CFAP54: variants seen among roughly 807,000 people sequenced by gnomAD.
CFAP54 encodes the protein cilia- and flagella-associated protein 54.
CFAP54 carries 290 observed loss-of-function variants against 370.4 expected under a neutral mutation model. That is an observed-to-expected ratio of 0.78 (90% CI 0.71 to 0.86). CFAP54 has a LOEUF of 0.86. Among genes scored for constraint, CFAP54 ranks in the 40% least tolerant of loss-of-function variants. CFAP54 has a pLI of 0.00. For synonymous variants in CFAP54, 1,206 were observed against 1,236.5 expected (o/e 0.98, Z 0.52); for missense variants, 3,399 against 3,528.7 (o/e 0.96, Z 0.93).
intron 63 of CFAP54, among the ~76,000 whole-genome samples, chr12:96,794,672 G>A (rs1324552598): frequency 2.0e-5 from 3 of 151,956 alleles, no homozygotes; most frequent in Non-Finnish European, 4.4e-5. Context: ...TCTTTAAATT[G>A]GTATTACCTT....
chr12:96,544,975 G>T (rs375611504), intron 14 of CFAP54, among the ~76,000 whole-genome samples: 1 of 151,392 alleles, frequency 6.6e-6, no homozygotes, highest in Non-Finnish European at 1.5e-5. Flanking sequence ...GCGGTGGCAC[G>T]ATCTTGGCTC....
At chr12:96,700,737 G>A (rs1278451003) in intron 46 of CFAP54, among the ~76,000 whole-genome samples, 1 of 152,092 alleles carries the variant, frequency 6.6e-6, no homozygotes, top group Non-Finnish European at 1.5e-5. Flanking sequence ...TCTTCATGGT[G>A]GTCTGGGAAT....
intron 8 of CFAP54, among the ~76,000 whole-genome samples, chr12:96,522,531 G>A (rs1378085967): frequency 6.6e-6 from 1 of 152,208 alleles, no homozygotes; most frequent in Non-Finnish European, 1.5e-5. Context: ...AGGGTTAGCT[G>A]AGCAGGCGAG....
chr12:96,849,977 G>A (rs960780729), intron 66 of CFAP54, among the ~76,000 whole-genome samples: 2 of 152,056 alleles, frequency 1.3e-5, no homozygotes, highest in Non-Finnish European at 2.9e-5. Context: ...GGGCAATTTG[G>A]ACTCAAAGAT....
At chr12:96,663,397 G>A (rs1957019065) in intron 38 of CFAP54, among the ~76,000 whole-genome samples, 1 of 152,026 alleles carries the variant, frequency 6.6e-6, no homozygotes. Flanking sequence ...ATATCTGTTA[G>A]AAAATAAATT....
At chr12:96,839,183 C>T (rs1041299709) in intron 66 of CFAP54, among the ~76,000 whole-genome samples, 2 of 152,088 alleles carry the variant, frequency 1.3e-5, no homozygotes, top group African/African-American at 2.4e-5. Context: ...TAATCTTAGG[C>T]AACTTGTTTA....
chr12:96,835,842 C>T (rs2136767232), intron 66 of CFAP54, among the ~76,000 whole-genome samples: 1 of 152,302 alleles, frequency 6.6e-6, no homozygotes, highest in South Asian at 2.1e-4. Flanking sequence ...GAGTGTGCAG[C>T]CCCAGCCATG....
intron 55 of CFAP54, among the ~76,000 whole-genome samples, chr12:96,752,108 G>GAGAGAGAGAGAGAA (rs1958192073): frequency 6.6e-6 from 1 of 151,400 alleles, no homozygotes; most frequent in African/African-American, 2.4e-5. Context: ...GAGAGAGAGA[G>GAGAGAGAGAGAGAA]AGAGAGAGAG....
chr12:96,596,519 C>T (rs1439670704), intron 25 of CFAP54, among the ~76,000 whole-genome samples: 1 of 152,074 alleles, frequency 6.6e-6, no homozygotes, highest in East Asian at 1.9e-4. Flanking sequence ...TCTAGATATT[C>T]ATCTGAGAGA....
intron 62 of CFAP54, among the ~76,000 whole-genome samples, chr12:96,789,427 G>T (rs746232194): frequency 2.6e-5 from 4 of 152,200 alleles, no homozygotes; most frequent in Non-Finnish European, 5.9e-5. Flanking sequence ...TGGGAACTGA[G>T]ACTATTTTTG....
At chr12:96,671,968 AAG>A (rs145541657) in intron 39 of CFAP54, among the ~76,000 whole-genome samples, 7 of 150,104 alleles carry the variant, frequency 4.7e-5, no homozygotes, top group South Asian at 2.1e-4. Flanking sequence ...GAAAGAAAGA[AAG>A]AGAGAGAGAG....
At chr12:96,691,015 G>A (rs1347828909) in intron 43 of CFAP54, 113 bp from the exon 44 acceptor site, 2 of 827,080 alleles carry the variant, frequency 2.4e-6, no homozygotes, top group Middle Eastern at 2.4e-4. Context: ...AAAGTACAGT[G>A]TGCTAGGCAT....
intron 64 of CFAP54, among the ~76,000 whole-genome samples, chr12:96,816,490 A>G (rs1344108482): frequency 1.3e-5 from 2 of 152,216 alleles, no homozygotes; most frequent in Non-Finnish European, 2.9e-5. Context: ...CATACTATAT[A>G]AATTCAAATC....
Position 96,621,875 on chromosome 12 carries a change from G to GTTTTTTTTTTTTTTTTTTTT in CFAP54, c.3771+167_3771+186dup, listed in dbSNP as rs71068819. ...ATTATAGTAAAGAGCTTTTGGGTTT[G>GTTTTTTTTTTTTTTTTTTTT]TTTTTTTTTTTTTTTTTTTTTTTTT... On this transcript the variant is annotated intron_variant, in intron 27 of 67. Coordinates refer to ENST00000524981, the MANE Select transcript of CFAP54 (RefSeq NM_001306084.2). Among the ~76,000 whole-genome samples, 8 of 50,034 alleles carry GTTTTTTTTTTTTTTTTTTTT rather than the reference G, an allele frequency of 1.6e-4. 1 individual carries two copies. Among genetic ancestry groups the GTTTTTTTTTTTTTTTTTTTT allele is most frequent in the East Asian group, 8.4e-4 (1 of 1,186 alleles). The allele number at this position is 50,034 out of a possible 152,430, so 32.8% of individuals were successfully genotyped here. A position where few individuals can be genotyped will look rare whatever the true frequency, so the allele number is the denominator to read the frequency against.
At chr12:96,837,949 C>T (rs1473401182) in intron 66 of CFAP54, among the ~76,000 whole-genome samples, 1 of 152,196 alleles carries the variant, frequency 6.6e-6, no homozygotes, top group African/African-American at 2.4e-5. Flanking sequence ...CATTCTCTCA[C>T]CATTTCTCTG....
intron 66 of CFAP54, among the ~76,000 whole-genome samples, chr12:96,850,274 T>C (rs1203176582): frequency 6.9e-6 from 1 of 145,324 alleles, no homozygotes; most frequent in African/African-American, 2.5e-5. Flanking sequence ...GACAATGGCC[T>C]CCCAGGAGGT....
chr12:96,578,832 G>A (rs1398672937), intron 20 of CFAP54, among the ~76,000 whole-genome samples: 1 of 152,154 alleles, frequency 6.6e-6, no homozygotes, highest in African/African-American at 2.4e-5. Context: ...TACTTTTGTA[G>A]TTGAAAATGC....
At chr12:96,609,955 C>G (rs773830189) in intron 26 of CFAP54, among the ~76,000 whole-genome samples, 3 of 152,172 alleles carry the variant, frequency 2.0e-5, no homozygotes, top group African/African-American at 7.2e-5. Flanking sequence ...AAGTGCAGAT[C>G]CTTCCTAAAA....
intron 39 of CFAP54, among the ~76,000 whole-genome samples, chr12:96,671,428 C>T (rs1957145043): frequency 6.6e-6 from 1 of 152,128 alleles, no homozygotes; most frequent in African/African-American, 2.4e-5. Flanking sequence ...ATCTGTTCCT[C>T]CTGATAAAAC....
Sources: gnomAD v4.1 joint callset for allele counts (sites outside exome capture counted in the v4.1 genomes callset) on GRCh38, gnomAD v4.1.1 for gene constraint, MANE v1.5 for transcripts, NCBI Gene and HGNC (gene_info 2026-07-23, HGNC 2026-07-21) for gene names.